RNF216: variants seen among roughly 807,000 people sequenced by gnomAD.
RNF216 encodes the protein ring finger protein 216, also known as E3 ubiquitin-protein ligase RNF216.
RNF216 carries 72 observed loss-of-function variants against 110.8 expected under a neutral mutation model. That is an observed-to-expected ratio of 0.65 (90% confidence interval 0.54 to 0.79). RNF216 has a LOEUF of 0.79. Ranked by LOEUF, RNF216 falls within the 30% of genes least tolerant of loss-of-function variation. RNF216 has a pLI of 0.00. For missense variants in RNF216, 1,342 were observed against 1,141.2 expected (o/e 1.18, Z -2.54); for synonymous variants, 495 against 407.5 (o/e 1.21, Z -2.59).
rs1211534087 is a variant in RNF216, at chr7:5,739,331, C to T, written c.1066G>A (p.Ala356Thr). 6 of 1,598,704 alleles carry T rather than the reference C, an allele frequency of 3.8e-6. No individual in the cohort carries two copies. The highest frequency in any genetic ancestry group is 1.4e-5 in the African/African-American group (1 of 73,944). ...ATTATTTCCTCAATAAACCCATTTG[C>T]TACATCTGGAAATCTTGCTTCCTAG... ...KETEARFPDV[A>T]NGFIEEIIHF... The change falls in exon 5 of 17, where the codon GCA (alanine) becomes ACA (threonine). Residue 356 changes from alanine to threonine, a missense_variant. Ala to Thr is a moderately conservative substitution (Grantham distance 58). Coordinates refer to ENST00000389902, the MANE Select transcript of RNF216 (RefSeq NM_207111.4).
At chr7:5,767,722 C>T (rs956573293) in intron 1 of RNF216, among the ~76,000 whole-genome samples, 1 of 151,970 alleles carries the variant, frequency 6.6e-6, no homozygotes, top group Admixed American at 6.6e-5. Context: ...CCTCAGCCTC[C>T]TGAGTAGTGG....
At chr7:5,773,123 T>C (rs1217347742) in intron 1 of RNF216, among the ~76,000 whole-genome samples, 1 of 152,156 alleles carries the variant, frequency 6.6e-6, no homozygotes, top group African/African-American at 2.4e-5. Flanking sequence ...CAGCGTAAGT[T>C]TGGGTCTCTC....
At chr7:5,674,603 G>C (rs1234402061) in intron 13 of RNF216, among the ~76,000 whole-genome samples, 3 of 152,024 alleles carry the variant, frequency 2.0e-5, no homozygotes, top group Non-Finnish European at 4.4e-5. Flanking sequence ...ACTCCAGCCT[G>C]GGCAACAGAG....
intron 2 of RNF216, among the ~76,000 whole-genome samples, chr7:5,755,961 T>C (rs754141198): frequency 1.3e-5 from 1 of 77,022 alleles, no homozygotes; most frequent in Admixed American, 1.7e-4. Flanking sequence ...GCTCATTCAT[T>C]TATATACTGT....
rs1431675465 is a variant in RNF216, at chr7:5,623,025, C to A, written c.2607G>T (p.Val869=). 1.2e-6 allele frequency: 2 copies of A among 1,613,900 alleles called. No individual in the cohort carries two copies. The highest frequency in any genetic ancestry group is 2.2e-5 in the South Asian group (2 of 91,084). Residue 869 remains valine (V), a synonymous_variant, in exon 17 of 17, where the codon GTG becomes GTT. Transcript: ENST00000389902. ...FAHPPFPLPP[V]RPVFNNFPLN... is the part of the protein sequence containing the mutation. ...GTGGGAAGTTGTTGAACACAGGCCGCACGGGAGGCAGGGGGAAGGGTGGGT... is the reference window on the plus strand; with the variant it reads ...GTGGGAAGTTGTTGAACACAGGCCGAACGGGAGGCAGGGGGAAGGGTGGGT...
In RNF216 at chr7:5,725,278, G is replaced by C. The variant is rs201192054; in HGVS notation, c.1504+46C>G. 8.0e-5 allele frequency: 89 copies of C among 1,112,082 alleles called. No homozygotes were observed. The African/African-American group carries it at 1.2e-3, about 15-fold the overall frequency. 68.9% of individuals were successfully genotyped at this position (1,112,082 alleles called of 1,614,324 possible). A position where few individuals can be genotyped will look rare whatever the true frequency, so the allele number is the denominator to read the frequency against. ...CTTCACTGACTGTGAAGAAGAAAAG[G>C]TACAGTGTTGCAGCTACACACTGCC... is the stretch of plus-strand genomic sequence containing the variant. On this transcript the variant is annotated intron_variant, in intron 8 of 16. Coordinates refer to ENST00000389902, the MANE Select transcript of RNF216 (RefSeq NM_207111.4).
chr7:5,741,315 G>A lies in RNF216; in HGVS notation c.702C>T (p.Tyr234=). 6.2e-7 allele frequency: 1 copy of A among 1,614,066 alleles called. No homozygotes were observed. The highest frequency in any genetic ancestry group is 1.1e-5 in the South Asian group (1 of 91,084). The part of the protein sequence containing the change: ...IEEDCWLDHP[Y]FQSLNQQPRE... ...GGGGCTGTTGGTTCAGAGACTGGAA[G>A]TAAGGATGATCTAACCAGCAGTCTT... The change falls in exon 4 of 17, where the codon TAC becomes TAT. Residue 234 remains tyrosine, a synonymous_variant. Coordinates refer to ENST00000389902, the MANE Select transcript of RNF216 (RefSeq NM_207111.4).
chr7:5,741,690 G>C lies in RNF216; in HGVS notation c.327C>G (p.Ser109Arg). The C allele has an allele frequency of 6.2e-7, 1 of 1,614,176 alleles. No homozygotes were observed. The highest frequency in any genetic ancestry group is 8.5e-7 in the Non-Finnish European group (1 of 1,180,042). The stretch of plus-strand genomic sequence containing the variant: ...ATGGGTTGTTACACACTGAAAAATA[G>C]CTGCTCTTATCTGATTCAAATGCTG... ...SRAAFESDKS[S>R]YFSVCNNPLF... The change falls in exon 4 of 17, where the codon AGC becomes AGG. Residue 109 changes from serine (S) to arginine (R), a missense_variant. Transcript: ENST00000389902.
chr7:5,677,915 A>G (rs1226172188), intron 13 of RNF216, among the ~76,000 whole-genome samples: 2 of 152,242 alleles, frequency 1.3e-5, no homozygotes, highest in Non-Finnish European at 2.9e-5. Context: ...GTTTACATAC[A>G]CAGCCCCAGC....
chr7:5,667,729 G>T (rs1381874641), intron 13 of RNF216, among the ~76,000 whole-genome samples: 2 of 152,212 alleles, frequency 1.3e-5, no homozygotes, highest in Non-Finnish European at 2.9e-5. Flanking sequence ...CTGCCTGCTG[G>T]AACTCCACTG....
At chr7:5,649,340 C>T (rs573622195) in intron 14 of RNF216, among the ~76,000 whole-genome samples, 13 of 151,734 alleles carry the variant, frequency 8.6e-5, no homozygotes, top group African/African-American at 2.7e-4. Flanking sequence ...CGCAATGACC[C>T]GAGGCACTCT....
intron 1 of RNF216, among the ~76,000 whole-genome samples, chr7:5,769,076 A>C (rs529170246): frequency 8.9e-4 from 135 of 152,062 alleles, no homozygotes; most frequent in Admixed American, 3.0e-3. Context: ...ATTTATGTGA[A>C]GGAGGTAAAA....
At chr7:5,717,420 T>C (rs1793134919) in intron 9 of RNF216, among the ~76,000 whole-genome samples, 1 of 152,220 alleles carries the variant, frequency 6.6e-6, no homozygotes, top group Admixed American at 6.5e-5. Context: ...TGTGTGGTAG[T>C]GGGCACCCCC....
intron 1 of RNF216, among the ~76,000 whole-genome samples, chr7:5,764,909 A>T (rs931193809): frequency 1.3e-5 from 2 of 151,944 alleles, no homozygotes; most frequent in African/African-American, 4.8e-5. Context: ...CTCTACAAAA[A>T]ACTGAAAAAA....
At chr7:5,715,603 A>C (rs992375177) in intron 10 of RNF216, among the ~76,000 whole-genome samples, 1 of 45,268 alleles carries the variant, frequency 2.2e-5, no homozygotes, top group Non-Finnish European at 9.5e-5. Flanking sequence ...AGGAGTGTGA[A>C]TGGGTCTATC....
chr7:5,642,377 C>A (rs1247124171), intron 14 of RNF216, among the ~76,000 whole-genome samples: 2 of 152,054 alleles, frequency 1.3e-5, no homozygotes, highest in Non-Finnish European at 2.9e-5. Flanking sequence ...CCATGCCCAG[C>A]TAAGTTTTGT....
Position 5,622,946 on chromosome 7 carries a change from C to T in RNF216, c.2686G>A (p.Val896Ile), listed in dbSNP as rs141327139. The T allele has an allele frequency of 2.9e-4, 464 of 1,613,964 alleles. 2 individuals are homozygous for T. The African/African-American group carries it at 5.5e-3, about 19-fold the overall frequency. Reference sequence around the variant, plus strand: ...TGGATGGGACCGAAGTCATAGTTGACCCGCACGTTGGGCAGAGGGGGCACG... The same window carrying T: ...TGGATGGGACCGAAGTCATAGTTGATCCGCACGTTGGGCAGAGGGGGCACG... ...PYVPPLPNVR[V>I]NYDFGPIHMP... The change falls in exon 17 of 17, where the codon GTC becomes ATC. Residue 896 changes from valine (V) to isoleucine (I), a missense_variant. By Grantham distance (29) the Val-to-Ile change is conservative. Coordinates refer to ENST00000389902, the MANE Select transcript of RNF216 (RefSeq NM_207111.4).
intron 15 of RNF216, among the ~76,000 whole-genome samples, chr7:5,627,187 C>T (rs1289208830): frequency 2.0e-5 from 3 of 152,180 alleles, no homozygotes; most frequent in African/African-American, 4.8e-5. Flanking sequence ...TTCAATGTTA[C>T]GGCTAGTTGG....
At chr7:5,633,622 G>C (rs1344414091) in intron 15 of RNF216, among the ~76,000 whole-genome samples, 1 of 152,130 alleles carries the variant, frequency 6.6e-6, no homozygotes, top group Non-Finnish European at 1.5e-5. Context: ...TAAGCGGATT[G>C]CATTTTAACA....
Sources: allele counts gnomAD v4.1 joint callset (sites outside exome capture counted in the v4.1 genomes callset), GRCh38; gene constraint gnomAD v4.1.1; transcripts MANE v1.5; gene names NCBI Gene and HGNC (gene_info 2026-07-23, HGNC 2026-07-21).